The following GREB1 variants were observed in gnomAD, a reference collection of about 807,000 sequenced individuals.
The protein encoded by GREB1 is protein GREB1.
In GREB1, 106 loss-of-function variants were observed where a neutral mutation model predicts 200.7. That is an observed-to-expected ratio of 0.53 (90% CI 0.45 to 0.62). The LOEUF is 0.62. Ranked by LOEUF, GREB1 falls within the 20% of genes least tolerant of loss-of-function variation. The pLI is 0.00. For missense variants in GREB1, 2,243 were observed against 2,556.8 expected (o/e 0.88, Z 2.65); for synonymous variants, 1,132 against 1,092.4 (o/e 1.04, Z -0.72).
upstream of GREB1, among the ~76,000 whole-genome samples, chr2:11,533,945 C>T (rs563251384): frequency 8.5e-5 from 13 of 152,194 alleles, no homozygotes; most frequent in African/African-American, 2.2e-4. Context: ...GGGTTTATGA[C>T]GAATACAGGC....
chr2:11,603,301 T>C (rs1408194335), intron 17 of GREB1, among the ~76,000 whole-genome samples: 1 of 152,234 alleles, frequency 6.6e-6, no homozygotes, highest in East Asian at 1.9e-4. Context: ...ATTGTCAGCA[T>C]GAGCTGGTTT....
chr2:11,529,100 G>T (rs1673980854), upstream of GREB1, among the ~76,000 whole-genome samples: 1 of 152,158 alleles, frequency 6.6e-6, no homozygotes, highest in Non-Finnish European at 1.5e-5. Flanking sequence ...AATATTTAAG[G>T]TAGTGAAATT....
intron 17 of GREB1, among the ~76,000 whole-genome samples, chr2:11,603,849 A>G (rs896550988): frequency 2.0e-5 from 3 of 152,212 alleles, no homozygotes; most frequent in African/African-American, 7.2e-5. Context: ...TATATTTATT[A>G]CCTAAAATAA....
chr2:11,638,679 T>TA lies in GREB1; in HGVS notation c.5556_5557insA (p.Cys1853MetfsTer28). The TA allele has an allele frequency of 1.2e-6, 2 of 1,610,916 alleles. No individual in the cohort carries two copies. The highest frequency in any genetic ancestry group is 1.7e-6 in the Non-Finnish European group (2 of 1,179,302). Reference sequence around the variant, plus strand: ...GATTTCTTCTTTTTCAGATTTCTGTTTGCTATGTGAGCTCCAGGCCCCACT... The same window carrying TA: ...GATTTCTTCTTTTTCAGATTTCTGTTATGCTATGTGAGCTCCAGGCCCCACT... On this transcript the variant is annotated frameshift_variant, in exon 32 of 33. Coordinates refer to ENST00000381486, the MANE Select transcript of GREB1 (RefSeq NM_014668.4). LOFTEE classifies it high-confidence loss of function.
At chr2:11,508,914 G>A (rs983116544) in intron 1 of GREB1, among the ~76,000 whole-genome samples, 2 of 137,348 alleles carry the variant, frequency 1.5e-5, no homozygotes. Context: ...TCGCTCTGTC[G>A]CCCAGGCTGG....
chr2:11,630,011 C>G lies in GREB1; in HGVS notation c.4513C>G (p.Leu1505Val). 6.2e-7 allele frequency: 1 copy of G among 1,614,206 alleles called. No individual in the cohort carries two copies. Among genetic ancestry groups the G allele is most frequent in the Non-Finnish European group, 8.5e-7 (1 of 1,179,996 alleles). ...CTCCATGCTAGGAGAGGAGATCCAG[C>G]TGCACTTCATCATCCCCAAGTCCAA... ...SYSMLGEEIQLHFIIPKSKEH... is the reference protein window; with the variant it reads ...SYSMLGEEIQVHFIIPKSKEH... Residue 1505 changes from leucine (L) to valine (V), a missense_variant, in exon 26 of 33, where the codon CTG (leucine) becomes GTG (valine). Leu to Val is a conservative substitution (Grantham distance 32, BLOSUM62 1). Around this residue, in one of 3 missense-constraint regions of GREB1, gnomAD observed 478 missense variants for 616.3 expected, o/e 0.78. Transcript: ENST00000381486.
rs1421520938 is a variant in GREB1 at position 11,620,908 on chromosome 2, G to A, written c.4048G>A (p.Gly1350Arg). The A allele has an allele frequency of 1.2e-6, 2 of 1,601,860 alleles. No individual in the cohort carries two copies. Among genetic ancestry groups the A allele is most frequent in the Non-Finnish European group, 1.7e-6 (2 of 1,168,798 alleles). ...RLLLSGPPQIGKTGAYLQFLS... is the reference protein window; with the variant it reads ...RLLLSGPPQIRKTGAYLQFLS... Reference sequence around the variant, plus strand: ...TTTAACTCCTATACCTTTACAGATCGGGAAGACAGGTGCCTACCTGCAGTT... The same window carrying A: ...TTTAACTCCTATACCTTTACAGATCAGGAAGACAGGTGCCTACCTGCAGTT... The change falls in exon 23 of 33, where the codon GGG becomes AGG. Residue 1350 changes from glycine (G) to arginine (R), a missense_variant. Physicochemically the swap from Gly to Arg is moderately radical, Grantham distance 125 (BLOSUM62 -2). Around this residue, in one of 3 missense-constraint regions of GREB1, gnomAD observed 587 missense variants for 553.1 expected, o/e 1.06. Transcript: ENST00000381486.
intron 1 of GREB1, among the ~76,000 whole-genome samples, chr2:11,535,947 C>T (rs1247854216): frequency 2.0e-5 from 3 of 152,046 alleles, no homozygotes; most frequent in African/African-American, 7.3e-5. Context: ...GCAAACACTA[C>T]CTTGTAAATA....
Position 11,610,792 on chromosome 2 carries a change from C to A in GREB1, c.2771C>A (p.Thr924Lys). The change falls in exon 18 of 33, where the codon ACG becomes AAG. Residue 924 changes from threonine (T) to lysine (K), a missense_variant. Physicochemically the swap from Thr to Lys is moderately conservative, Grantham distance 78. Around this residue, in one of 3 missense-constraint regions of GREB1, gnomAD observed 1,178 missense variants for 1,387.4 expected, o/e 0.85. Coordinates refer to ENST00000381486, the MANE Select transcript of GREB1 (RefSeq NM_014668.4). ...GGCCTCCCGCAGATGAAGAACTACA[C>A]GTCGGTGGAGACGCTGGAGATCACG... The part of the protein sequence containing the change: ...VSGLPQMKNY[T>K]SVETLEITQN... The A allele has an allele frequency of 1.2e-6, 2 of 1,613,586 alleles. No homozygotes were observed. The highest frequency in any genetic ancestry group is 1.7e-6 in the Non-Finnish European group (2 of 1,179,992).
At chr2:11,578,757 A>G (rs1213504860) in intron 6 of GREB1, among the ~76,000 whole-genome samples, 1 of 152,078 alleles carries the variant, frequency 6.6e-6, no homozygotes, top group Admixed American at 6.5e-5. Context: ...TCAGGGTTTG[A>G]ATGAATTGCT....
At chr2:11,604,344 T>C (rs1682058694) in intron 17 of GREB1, among the ~76,000 whole-genome samples, 1 of 152,190 alleles carries the variant, frequency 6.6e-6, no homozygotes, top group African/African-American at 2.4e-5. Flanking sequence ...TTGGGGATGA[T>C]AACACCTACA....
At chr2:11,504,689 A>C (rs1673134287) in intron 1 of GREB1, among the ~76,000 whole-genome samples, 1 of 152,226 alleles carries the variant, frequency 6.6e-6, no homozygotes, top group African/African-American at 2.4e-5. Context: ...ATAGCACTTT[A>C]TTCCTTTTAC....
chr2:11,569,046 G>A (rs1016095950), intron 4 of GREB1, among the ~76,000 whole-genome samples: 2 of 152,198 alleles, frequency 1.3e-5, no homozygotes, highest in African/African-American at 2.4e-5. Flanking sequence ...GGAAGCAGCA[G>A]TATTAGGAGA....
At position 11,584,221 on chromosome 2, in the gene GREB1, A is replaced by C. The variant is rs1572811699; in HGVS notation, c.902-940A>C. 1.3e-5 allele frequency among the ~76,000 whole-genome samples: 2 copies of C among 152,286 alleles called. 1 individual carries two copies. On this transcript the variant is annotated intron_variant, in intron 7 of 32. Transcript: ENST00000381486. The stretch of plus-strand genomic sequence containing the variant: ...AGACATGAATCTCTGCATGTAGGGG[A>C]AATTTTGTGTCTGGTTAGTCAAGAA...
At chr2:11,588,649 T>A (rs757919371) in intron 9 of GREB1, 97 bp from the exon 10 acceptor site, 6 of 1,115,988 alleles carry the variant, frequency 5.4e-6, no homozygotes, top group Non-Finnish European at 8.3e-6. Context: ...GCAGCTCACC[T>A]ATCTCCTTCA....
intron 7 of GREB1, 97 bp from the exon 8 acceptor site, chr2:11,585,064 A>AG (rs1679938347): frequency 5.1e-6 from 3 of 593,288 alleles, no homozygotes; most frequent in Non-Finnish European, 8.2e-6. Flanking sequence ...AAAAAAAAAA[A>AG]CAAAACAAAA....
At position 11,578,047 on chromosome 2, in the gene GREB1, C is replaced by T. The variant is rs78870438; in HGVS notation, c.638-250C>T. Among the ~76,000 whole-genome samples, 68 of 152,290 alleles carry T rather than the reference C, an allele frequency of 4.5e-4. No individual in the cohort carries two copies. In the East Asian group the frequency reaches 0.013, roughly 28 times the overall value. On this transcript the variant is annotated intron_variant, in intron 5 of 32. Transcript: ENST00000381486. ...GGGTGACTTATTTGTGTAATTTTTC[C>T]CTTTCTTCTAAATACTCACCATTGC... is the stretch of plus-strand genomic sequence containing the variant.
rs529482867 is a variant in GREB1 at position 11,618,716 on chromosome 2, G to A, written c.3841G>A (p.Ala1281Thr). Residue 1281 changes from alanine to threonine, a missense_variant, in exon 22 of 33, where the codon GCC becomes ACC. Ala to Thr is a moderately conservative substitution (Grantham distance 58). Around this residue, in one of 3 missense-constraint regions of GREB1, gnomAD observed 587 missense variants for 553.1 expected, o/e 1.06. Transcript: ENST00000381486. Reference sequence around the variant, plus strand: ...TGACAGCAGTGGCCTGCCCAAGGCCGCCTCCCTCCTGCCCTCCCCCTCGGT... The same window carrying A: ...TGACAGCAGTGGCCTGCCCAAGGCCACCTCCCTCCTGCCCTCCCCCTCGGT... ...STDSSGLPKA[A>T]SLLPSPSVMW... The A allele has an allele frequency of 9.8e-5, 158 of 1,613,474 alleles. 3 individuals are homozygous for A. The Middle Eastern group carries it at 2.6e-3, about 27-fold the overall frequency.
intron 1 of GREB1, among the ~76,000 whole-genome samples, chr2:11,484,593 A>T (rs1263400013): frequency 3.4e-3 from 5 of 1,458 alleles, no homozygotes; most frequent in Admixed American, 6.5e-3. Flanking sequence ...CTTAAAAAAC[A>T]AAAAAAAAAA....
Sources: gnomAD v4.1 joint callset for allele counts (sites outside exome capture counted in the v4.1 genomes callset) on GRCh38, gnomAD v4.1.1 for gene constraint, gnomAD v4.1.1 regional missense constraint, MANE v1.5 for transcripts, NCBI Gene and HGNC (gene_info 2026-07-23, HGNC 2026-07-21) for gene names.